The following HSPBAP1 variants were observed in gnomAD, a reference collection of about 807,000 sequenced individuals.
HSPBAP1 encodes HSPB1-associated protein 1.
In HSPBAP1, 27 loss-of-function variants were observed where a neutral mutation model predicts 45.2. The ratio of observed to expected loss-of-function variants is 0.60; its 90% CI spans 0.44 to 0.82. The LOEUF (loss-of-function observed/expected upper bound fraction) is 0.82, where lower values mean the gene tolerates loss of function less well. HSPBAP1 is among the 40% of genes least tolerant of loss of function. The pLI is 0.00. For synonymous variants in HSPBAP1, 204 were observed against 202.7 expected (o/e 1.01, Z -0.06); for missense variants, 510 against 590.9 (o/e 0.86, Z 1.42).
At chr3:122,793,082 CA>C (rs1935886250) in intron 1 of HSPBAP1, among the ~76,000 whole-genome samples, 1 of 152,036 alleles carries the variant, frequency 6.6e-6, no homozygotes, top group Admixed American at 6.6e-5. Flanking sequence ...TATAAATATT[CA>C]AAAGTCTCTG....
chr3:122,752,913 A>T, intron 5 of HSPBAP1: 1 of 1,205,228 alleles, frequency 8.3e-7, no homozygotes, highest in Non-Finnish European at 1.0e-6. Flanking sequence ...ATTCTCTTTA[A>T]TCCTGGGCCT....
intron 6 of HSPBAP1, among the ~76,000 whole-genome samples, chr3:122,747,401 G>A (rs1933920281): frequency 6.6e-6 from 1 of 151,602 alleles, no homozygotes; most frequent in Non-Finnish European, 1.5e-5. Flanking sequence ...TCTGAGAAAT[G>A]AGGAGCCCCT....
At chr3:122,775,026 C>T (rs1280880510) in intron 2 of HSPBAP1, among the ~76,000 whole-genome samples, 1 of 151,738 alleles carries the variant, frequency 6.6e-6, no homozygotes, top group Admixed American at 6.6e-5. Context: ...ATCATCAAAA[C>T]TTTAAAATAA....
At chr3:122,779,551 G>A (rs141510041) in intron 1 of HSPBAP1, among the ~76,000 whole-genome samples, 14,000 of 140,460 alleles carry the variant, frequency 0.1, 905 homozygotes, top group African/African-American at 0.18. Context: ...GGTGTTTCTC[G>A]CAGAGGGGGA....
chr3:122,743,553 C>T (rs183309481), intron 6 of HSPBAP1, among the ~76,000 whole-genome samples: 3 of 149,952 alleles, frequency 2.0e-5, no homozygotes, highest in East Asian at 4.0e-4. Context: ...GCAACAAGAG[C>T]GAAACTTTGT....
intron 1 of HSPBAP1, among the ~76,000 whole-genome samples, chr3:122,782,229 T>C (rs1935510492): frequency 6.6e-6 from 1 of 152,226 alleles, no homozygotes; most frequent in African/African-American, 2.4e-5. Flanking sequence ...GAAAGACTAC[T>C]GAGTCAATAT....
chr3:122,744,348 TC>T (rs1395112375), intron 6 of HSPBAP1, among the ~76,000 whole-genome samples: 1 of 152,158 alleles, frequency 6.6e-6, no homozygotes, highest in Admixed American at 6.5e-5. Context: ...GAAAGCAATA[TC>T]AGAACCTGGG....
chr3:122,747,689 GCC>G (rs1933949732), intron 6 of HSPBAP1, among the ~76,000 whole-genome samples: 1 of 145,638 alleles, frequency 6.9e-6, no homozygotes, highest in East Asian at 2.1e-4. Flanking sequence ...GGGCGCCTCT[GCC>G]CAGCCGCCCC....
intron 5 of HSPBAP1, chr3:122,754,583 C>T (rs12496371): frequency 0.63 from 617,016 of 983,048 alleles, 196,306 homozygotes; most frequent in Non-Finnish European, 0.65. Flanking sequence ...GCCAGTGAGA[C>T]CGGTACAATG....
intron 6 of HSPBAP1, among the ~76,000 whole-genome samples, chr3:122,748,562 T>G (rs936374747): frequency 1.3e-5 from 2 of 152,100 alleles, no homozygotes; most frequent in Admixed American, 1.3e-4. Flanking sequence ...TAATTATGAC[T>G]CAAAAACAAT....
rs528468138 is a variant in HSPBAP1, at chr3:122,764,342, C to A, written c.432+4359G>T. Among the ~76,000 whole-genome samples, 24 of 152,286 alleles carry A rather than the reference C, an allele frequency of 1.6e-4. No homozygotes were observed. The South Asian group carries it at 4.8e-3, about 30-fold the overall frequency. On this transcript the variant is annotated intron_variant, in intron 3 of 7. Coordinates refer to ENST00000306103, the MANE Select transcript of HSPBAP1 (RefSeq NM_024610.6). Reference sequence around the variant, plus strand: ...CTTAAACCCCTAGCTTCACCTTTGTCAAATTTTCTGTGGCTTCTAGTTAAT... The same window carrying A: ...CTTAAACCCCTAGCTTCACCTTTGTAAAATTTTCTGTGGCTTCTAGTTAAT...
intron 3 of HSPBAP1, among the ~76,000 whole-genome samples, chr3:122,763,441 T>C (rs943459884): frequency 1.4e-5 from 2 of 146,756 alleles, no homozygotes; most frequent in Non-Finnish European, 3.0e-5. Flanking sequence ...ATATCAGTTA[T>C]ACCCCAATAA....
intron 3 of HSPBAP1, among the ~76,000 whole-genome samples, chr3:122,766,942 A>G (rs1288979759): frequency 6.6e-6 from 1 of 152,212 alleles, no homozygotes; most frequent in East Asian, 1.9e-4. Flanking sequence ...CTATTAAGCA[A>G]TATTTTACCT....
At chr3:122,791,725 T>C (rs566108561) in intron 1 of HSPBAP1, among the ~76,000 whole-genome samples, 1 of 152,300 alleles carries the variant, frequency 6.6e-6, no homozygotes, top group South Asian at 2.1e-4. Context: ...TTAAGCCAGC[T>C]ATGTGAAAAG....
chr3:122,770,009 T>C (rs1934931463), intron 2 of HSPBAP1, among the ~76,000 whole-genome samples: 1 of 152,208 alleles, frequency 6.6e-6, no homozygotes. Context: ...GTACTTCTTA[T>C]CCATTCATAT....
At chr3:122,745,022 T>C (rs1235300079) in intron 6 of HSPBAP1, among the ~76,000 whole-genome samples, 5 of 151,956 alleles carry the variant, frequency 3.3e-5, no homozygotes, top group South Asian at 4.1e-4. Flanking sequence ...AGTAATGAAA[T>C]AGAAATTGAT....
At chr3:122,745,169 C>T (rs1051301438) in intron 6 of HSPBAP1, among the ~76,000 whole-genome samples, 2 of 152,034 alleles carry the variant, frequency 1.3e-5, no homozygotes, top group Non-Finnish European at 1.5e-5. Flanking sequence ...CAGACCAAAT[C>T]TCCACCCCCA....
At chr3:122,760,543 ATT>A (rs10715841) in intron 3 of HSPBAP1, among the ~76,000 whole-genome samples, 3,818 of 150,264 alleles carry the variant, frequency 0.025, 155 homozygotes, top group African/African-American at 0.085. Context: ...TAGAAAGAGC[ATT>A]TTTTTTTTTC....
At chr3:122,760,583 T>G (rs905263649) in intron 3 of HSPBAP1, among the ~76,000 whole-genome samples, 2 of 152,044 alleles carry the variant, frequency 1.3e-5, no homozygotes, top group Non-Finnish European at 2.9e-5. Context: ...TGAAAATGGC[T>G]GAATACGTGC....
Sources: allele counts gnomAD v4.1 joint callset (sites outside exome capture counted in the v4.1 genomes callset), GRCh38; gene constraint gnomAD v4.1.1; transcripts MANE v1.5; gene names NCBI Gene and HGNC (gene_info 2026-07-23, HGNC 2026-07-21).